Variants in APOL6 observed in about 807,000 individuals in gnomAD.
APOL6 encodes the protein apolipoprotein L, 6.
A neutral mutation model predicts 2.4 loss-of-function variants in APOL6; 1 was observed. The ratio of observed to expected loss-of-function variants is 0.41; its 90% CI spans 0.15 to 1.94. APOL6 has a LOEUF of 1.94. Ranked by LOEUF, APOL6 falls within the 30% of genes most tolerant of loss-of-function variation. The probability of loss-of-function intolerance (pLI) is 0.30; values close to 1 mark genes in which losing one functional copy is unlikely to be tolerated. For missense variants in APOL6, 438 were observed against 429.2 expected (o/e 1.02, Z -0.18); for synonymous variants, 189 against 169.3 (o/e 1.12, Z -0.90).
At position 35,658,786 on chromosome 22, in the gene APOL6, C is replaced by T; in HGVS notation, c.222C>T (p.Phe74=). 1 of 1,614,188 alleles carries T rather than the reference C, an allele frequency of 6.2e-7. No homozygotes were observed. Among genetic ancestry groups the T allele is most frequent in the Non-Finnish European group, 8.5e-7 (1 of 1,180,018 alleles). The part of the protein sequence containing the change: ...ADDIDKTHKK[F]TKANMVATST... ...ATATTGACAAAACCCACAAGAAATTCACCAAGGCTAACATGGTGGCCACCT... is the reference window on the plus strand; with the variant it reads ...ATATTGACAAAACCCACAAGAAATTTACCAAGGCTAACATGGTGGCCACCT... Residue 74 remains phenylalanine (F), a synonymous_variant, in exon 3 of 3, where the codon TTC becomes TTT. Transcript: ENST00000409652.
chr22:35,651,731 C>T (rs1924703652), intron 1 of APOL6, among the ~76,000 whole-genome samples: 1 of 152,176 alleles, frequency 6.6e-6, no homozygotes, highest in African/African-American at 2.4e-5. Flanking sequence ...ACGAACTCAT[C>T]CTTTTTTATG....
At chr22:35,653,922 T>C (rs1924772224) in intron 1 of APOL6, among the ~76,000 whole-genome samples, 1 of 152,248 alleles carries the variant, frequency 6.6e-6, no homozygotes, top group Admixed American at 6.5e-5. Context: ...ACAACTTTTG[T>C]CCAACTTGGT....
intron 1 of APOL6, among the ~76,000 whole-genome samples, chr22:35,649,997 G>A (rs1924646270): frequency 6.6e-6 from 1 of 152,164 alleles, no homozygotes; most frequent in Admixed American, 6.5e-5. Context: ...CGCCCTGTTT[G>A]GGACCAACTA....
At position 35,665,354 on chromosome 22, in the gene APOL6, T is replaced by C. The variant is rs1264873900; in HGVS notation, c.*5758T>C. On this transcript the variant is annotated 3_prime_UTR_variant, in exon 3 of 3. Transcript: ENST00000409652. ...CCTCATCTTAAGGCCCCGTAGAAGA[T>C]GCCAATCAAAATAAACTGCATTCCT... is the stretch of plus-strand genomic sequence containing the variant. 1 of 152,120 alleles carries C rather than the reference T, an allele frequency of 6.6e-6. No individual in the cohort carries two copies. The highest frequency in any genetic ancestry group is 1.5e-5 in the Non-Finnish European group (1 of 68,022). 9.4% of individuals were successfully genotyped at this position (152,120 alleles called of 1,614,324 possible). A position where few individuals can be genotyped will look rare whatever the true frequency, so the allele number is the denominator to read the frequency against.
At chr22:35,657,914 G>C (rs1349625638) in intron 2 of APOL6, among the ~76,000 whole-genome samples, 1 of 152,178 alleles carries the variant, frequency 6.6e-6, no homozygotes, top group African/African-American at 2.4e-5. Flanking sequence ...AAATGTTGGA[G>C]GAAGAGGGGC....
At position 35,658,610 on chromosome 22, in the gene APOL6, C is replaced by T; in HGVS notation, c.51-5C>T. The T allele has an allele frequency of 6.3e-7, 1 of 1,592,822 alleles. No individual in the cohort carries two copies. Among genetic ancestry groups the T allele is most frequent in the South Asian group, 1.1e-5 (1 of 88,918 alleles). On this transcript the variant is annotated splice_region_variant and splice_polypyrimidine_tract_variant and intron_variant, in intron 2 of 2. Coordinates refer to ENST00000409652, the MANE Select transcript of APOL6 (RefSeq NM_030641.4). ...AAGCAAAATCTTTATTTCATTTCTC[C>T]TCAGGGATGAGGATGACGCTCCTCT...
rs757327315 is a variant in APOL6 at position 35,658,888 on chromosome 22, G to A, written c.324G>A (p.Leu108=). ...CAGCAACAGGAGGAGGAAGCCTGCT[G>A]CTCTCCACCGCTGGTCAAGGTTTGG... ...LAPATGGGSL[L]LSTAGQGLAT... The change falls in exon 3 of 3, where the codon CTG becomes CTA. Residue 108 remains leucine, a synonymous_variant. Coordinates refer to ENST00000409652, the MANE Select transcript of APOL6 (RefSeq NM_030641.4). 1 of 1,614,106 alleles carries A rather than the reference G, an allele frequency of 6.2e-7. No individual in the cohort carries two copies. Among genetic ancestry groups the A allele is most frequent in the Non-Finnish European group, 8.5e-7 (1 of 1,180,030 alleles).
rs1045547626 is a variant in APOL6 at position 35,663,866 on chromosome 22, T to C, written c.*4270T>C. ...AGGAAAAAAAAGTGGGGGGGCATTATAAATCTATAAAATGTACTTCTATTG... is the reference window on the plus strand; with the variant it reads ...AGGAAAAAAAAGTGGGGGGGCATTACAAATCTATAAAATGTACTTCTATTG... On this transcript the variant is annotated 3_prime_UTR_variant, in exon 3 of 3. Transcript: ENST00000409652. The C allele has an allele frequency of 2.6e-5, 4 of 152,180 alleles. No individual in the cohort carries two copies. Among genetic ancestry groups the C allele is most frequent in the African/African-American group, 9.6e-5 (4 of 41,464 alleles). The allele number at this position is 152,180 out of a possible 1,614,324, so 9.4% of individuals were successfully genotyped here. A position where few individuals can be genotyped will look rare whatever the true frequency, so the allele number is the denominator to read the frequency against.
intron 2 of APOL6, among the ~76,000 whole-genome samples, chr22:35,656,699 G>A (rs541942069): frequency 1.3e-5 from 2 of 152,280 alleles, no homozygotes; most frequent in South Asian, 2.1e-4. Context: ...ATTAAGTCAG[G>A]CGCATGGCTT....
rs199905206 is a variant in APOL6 at position 35,650,390 on chromosome 22, T to C, written c.-48+1767T>C. ...CCCAAAGGTTCAACAGTGAGAGAGT[T>C]ATTGAATGTGTAATGATACATTCGT... On this transcript the variant is annotated intron_variant, in intron 1 of 2. Coordinates refer to ENST00000409652, the MANE Select transcript of APOL6 (RefSeq NM_030641.4). Among the ~76,000 whole-genome samples, 17 of 152,296 alleles carry C rather than the reference T, an allele frequency of 1.1e-4. No homozygotes were observed. The East Asian group carries it at 2.9e-3, about 26-fold the overall frequency.
chr22:35,656,837 C>T (rs1227058481), intron 2 of APOL6, among the ~76,000 whole-genome samples: 1 of 151,810 alleles, frequency 6.6e-6, no homozygotes, highest in African/African-American at 2.4e-5. Flanking sequence ...TTGGTGTTAA[C>T]AAATTAATGA....
rs181585449 is a variant in APOL6, at chr22:35,664,667, A to G, written c.*5071A>G. On this transcript the variant is annotated 3_prime_UTR_variant, in exon 3 of 3. Coordinates refer to ENST00000409652, the MANE Select transcript of APOL6 (RefSeq NM_030641.4). The stretch of plus-strand genomic sequence containing the variant: ...TAACTAGGTAAATGTAATGGGATAA[A>G]TACTTATAGACCAACTGGACATAAT... 1 of 152,306 alleles carries G rather than the reference A, an allele frequency of 6.6e-6. No individual in the cohort carries two copies. The highest frequency in any genetic ancestry group is 6.5e-5 in the Admixed American group (1 of 15,288). The allele number at this position is 152,306 out of a possible 1,614,324, so 9.4% of individuals were successfully genotyped here.
At position 35,662,844 on chromosome 22, in the gene APOL6, A is replaced by T. The variant is rs1281275141; in HGVS notation, c.*3248A>T. The T allele has an allele frequency of 6.6e-6, 1 of 152,216 alleles. No homozygotes were observed. The highest frequency in any genetic ancestry group is 1.5e-5 in the Non-Finnish European group (1 of 68,038). 9.4% of individuals were successfully genotyped at this position (152,216 alleles called of 1,614,324 possible). On this transcript the variant is annotated 3_prime_UTR_variant, in exon 3 of 3. Transcript: ENST00000409652. Reference sequence around the variant, plus strand: ...TGAGCTAACTTTATGGCTCAAACCAATAGGACAATTTGCTGAGGTCTGAGA... The same window carrying T: ...TGAGCTAACTTTATGGCTCAAACCATTAGGACAATTTGCTGAGGTCTGAGA...
chr22:35,656,110 C>T (rs964328280), intron 1 of APOL6, among the ~76,000 whole-genome samples: 14 of 152,248 alleles, frequency 9.2e-5, no homozygotes, highest in African/African-American at 3.1e-4. Flanking sequence ...CAAAATAATC[C>T]TTATGCCAAA....
rs1307812866 is a variant in APOL6 at position 35,665,940 on chromosome 22, T to C, written c.*6344T>C. On this transcript the variant is annotated 3_prime_UTR_variant, in exon 3 of 3. Transcript: ENST00000409652. ...TAACCTAATTAATCCTTTAAGATCTTAGTTTCCCTAAAGTCCTAAAATGAC... is the reference window on the plus strand; with the variant it reads ...TAACCTAATTAATCCTTTAAGATCTCAGTTTCCCTAAAGTCCTAAAATGAC... 2 of 152,250 alleles carry C rather than the reference T, an allele frequency of 1.3e-5. No homozygotes were observed. Among genetic ancestry groups the C allele is most frequent in the Admixed American group, 1.3e-4 (2 of 15,288 alleles). 9.4% of individuals were successfully genotyped at this position (152,250 alleles called of 1,614,324 possible). A position where few individuals can be genotyped will look rare whatever the true frequency, so the allele number is the denominator to read the frequency against.
chr22:35,658,285 C>G (rs566723814), intron 2 of APOL6, among the ~76,000 whole-genome samples: 2 of 152,308 alleles, frequency 1.3e-5, no homozygotes, highest in African/African-American at 4.8e-5. Context: ...CATTTCCCCA[C>G]TGCCCCTCCT....
rs1924923458 is a variant in APOL6 at position 35,658,861 on chromosome 22, CCCAGCAA to C, written c.299_305del (p.Pro100GlnfsTer25). On this transcript the variant is annotated frameshift_variant, in exon 3 of 3. Coordinates refer to ENST00000409652, the MANE Select transcript of APOL6 (RefSeq NM_030641.4). LOFTEE classifies it low-confidence loss of function (END_TRUNC). ...TGAGCCTCCTGGGTTTAGCCCTTGC[CCCAGCAA>C]CAGGAGGAGGAAGCCTGCTGCTCTC... The C allele has an allele frequency of 5.0e-6, 8 of 1,613,996 alleles. No individual in the cohort carries two copies. The highest frequency in any genetic ancestry group is 5.1e-6 in the Non-Finnish European group (6 of 1,180,044).
At chr22:35,651,630 G>C (rs1011765381) in intron 1 of APOL6, among the ~76,000 whole-genome samples, 8 of 151,978 alleles carry the variant, frequency 5.3e-5, no homozygotes, top group African/African-American at 1.9e-4. Context: ...TCCCACCTAG[G>C]AGTGAGAACA....
Position 35,659,251 on chromosome 22 carries a change from G to T in APOL6, c.687G>T (p.Met229Ile). 6.2e-7 allele frequency: 1 copy of T among 1,614,134 alleles called. No homozygotes were observed. The highest frequency in any genetic ancestry group is 1.1e-5 in the South Asian group (1 of 91,056). The change falls in exon 3 of 3, where the codon ATG (methionine) becomes ATT (isoleucine). Residue 229 changes from methionine (M) to isoleucine (I), a missense_variant. Coordinates refer to ENST00000409652, the MANE Select transcript of APOL6 (RefSeq NM_030641.4). ...CCTTTGCGGGAACAACACTGGCGAT[G>T]ACCAAAAATGCTCGCGTGCTGGGAG... ...QKAFAGTTLA[M>I]TKNARVLGGV...
Sources: allele counts gnomAD v4.1 joint callset (sites outside exome capture counted in the v4.1 genomes callset), GRCh38; gene constraint gnomAD v4.1.1; transcripts MANE v1.5; gene names NCBI Gene and HGNC (gene_info 2026-07-23, HGNC 2026-07-21).